The following CLASP1 variants were observed in gnomAD, a reference collection of about 807,000 sequenced individuals.
The protein encoded by CLASP1 is cytoplasmic linker associated protein 1, also known as CLIP-associating protein 1.
CLASP1 carries 38 observed loss-of-function variants against 192.3 expected under a neutral mutation model. That is an observed-to-expected ratio of 0.20 (90% CI 0.15 to 0.26). The LOEUF is 0.26. Among genes scored for constraint, CLASP1 ranks in the 10% least tolerant of loss-of-function variants. The pLI is 1.00. For missense variants in CLASP1, 1,433 were observed against 1,932.5 expected (o/e 0.74, Z 4.85); for synonymous variants, 691 against 712.8 (o/e 0.97, Z 0.49).
intron 4 of CLASP1, 35 bp from the exon 5 acceptor site, chr2:121,527,925 A>C (rs1299637351): frequency 1.3e-6 from 2 of 1,542,086 alleles, no homozygotes; most frequent in Non-Finnish European, 1.8e-6. Flanking sequence ...GGAAAGGAGA[A>C]GACTGCTGCA....
At chr2:121,494,745 C>T (rs745403800) in intron 8 of CLASP1, among the ~76,000 whole-genome samples, 12 of 152,112 alleles carry the variant, frequency 7.9e-5, no homozygotes, top group Admixed American at 3.3e-4. Flanking sequence ...ATTGGGCCAA[C>T]CACGTTGGCT....
chr2:121,637,427 C>A (rs2071096229), intron 1 of CLASP1, among the ~76,000 whole-genome samples: 1 of 152,048 alleles, frequency 6.6e-6, no homozygotes, highest in South Asian at 2.1e-4. Flanking sequence ...AGAAGTCAGA[C>A]CCCTACCTCA....
chr2:121,471,766 T>C (rs893778394), intron 8 of CLASP1, among the ~76,000 whole-genome samples: 2 of 152,236 alleles, frequency 1.3e-5, no homozygotes, highest in African/African-American at 2.4e-5. Flanking sequence ...GATTGTCTTG[T>C]TATGCCATTC....
rs756950671 is a variant in CLASP1, at chr2:121,398,298, T to C, written c.2979+24A>G. On this transcript the variant is annotated intron_variant, in intron 29 of 39. Coordinates refer to ENST00000263710, the Ensembl canonical transcript of CLASP1. ...AACAAATGTGAGTTCCAGGGTTGAA[T>C]TGTAATGACAAATAATTACTGACCT... 2.4e-5 allele frequency: 37 copies of C among 1,540,476 alleles called. 1 individual carries two copies. Among genetic ancestry groups the C allele is most frequent in the East Asian group, 2.1e-4 (9 of 43,716 alleles).
chr2:121,455,234 ATTC>A, intron 14 of CLASP1, among the ~76,000 whole-genome samples: 1 of 152,308 alleles, frequency 6.6e-6, no homozygotes, highest in Admixed American at 6.5e-5. Context: ...TAGCTGGATT[ATTC>A]TTCTTTTCTC....
At chr2:121,507,545 G>C (rs773071970) in intron 7 of CLASP1, among the ~76,000 whole-genome samples, 3 of 152,192 alleles carry the variant, frequency 2.0e-5, no homozygotes, top group Non-Finnish European at 4.4e-5. Flanking sequence ...TTTTGGGTCA[G>C]ATACTTTGCC....
intron 2 of CLASP1, among the ~76,000 whole-genome samples, chr2:121,548,059 C>G (rs1392257261): frequency 6.6e-6 from 1 of 152,166 alleles, no homozygotes; most frequent in Non-Finnish European, 1.5e-5. Flanking sequence ...GAGTTCTTAA[C>G]CAGGCTGAGC....
intron 1 of CLASP1, among the ~76,000 whole-genome samples, chr2:121,606,619 C>T (rs1328481309): frequency 1.3e-5 from 2 of 152,198 alleles, no homozygotes; most frequent in East Asian, 3.8e-4. Context: ...ATGAGGAAGG[C>T]TCTATAGAAA....
intron 19 of CLASP1, among the ~76,000 whole-genome samples, chr2:121,431,132 T>A (rs2081324554): frequency 6.6e-6 from 1 of 152,042 alleles, no homozygotes; most frequent in African/African-American, 2.4e-5. Context: ...CGACAAAGCT[T>A]ACAGAGAAGT....
chr2:121,463,753 T>C (rs2088684529), intron 9 of CLASP1, among the ~76,000 whole-genome samples: 2 of 151,712 alleles, frequency 1.3e-5, no homozygotes, highest in South Asian at 2.1e-4. Context: ...ACTGGGCTGA[T>C]ATGTGCATAA....
intron 28 of CLASP1, among the ~76,000 whole-genome samples, chr2:121,399,248 G>A (rs1439482482): frequency 6.6e-6 from 1 of 152,058 alleles, no homozygotes; most frequent in Non-Finnish European, 1.5e-5. Context: ...AAAAGCACAT[G>A]GCACATATCA....
At chr2:121,339,882 T>G (rs563215471) in exon 40 of CLASP1, 4 of 152,340 alleles carry the variant, frequency 2.6e-5, no homozygotes, top group African/African-American at 7.2e-5. Context: ...ATTTACCAGA[T>G]TAACTGAGAC....
chr2:121,479,041 ACACACACCCCCC>A, intron 8 of CLASP1, among the ~76,000 whole-genome samples: 2 of 60,686 alleles, frequency 3.3e-5, no homozygotes, highest in African/African-American at 1.5e-4. Context: ...CCCCACACAC[ACACACACCCCCC>A]CCCCACACAC....
At chr2:121,430,133 C>T (rs777068924) in exon 20 of CLASP1, 7 of 1,578,086 alleles carry the variant, frequency 4.4e-6, no homozygotes, top group African/African-American at 4.0e-5. Context: ...GTAGAGGCGA[C>T]GTTGGTGGCA....
intron 39 of CLASP1, among the ~76,000 whole-genome samples, chr2:121,342,631 A>C (rs2062921312): frequency 6.6e-6 from 1 of 152,180 alleles, no homozygotes. Context: ...GCAGAGATAA[A>C]CAAAATAGAG....
chr2:121,587,695 C>T (rs922009963), intron 2 of CLASP1, among the ~76,000 whole-genome samples: 1 of 151,138 alleles, frequency 6.6e-6, no homozygotes, highest in Non-Finnish European at 1.5e-5. Context: ...GATGGGTGTA[C>T]TGGCACACGC....
At chr2:121,384,033 T>TATATATGTATATATACACAC (rs1230309066) in intron 32 of CLASP1, among the ~76,000 whole-genome samples, 6 of 125,546 alleles carry the variant, frequency 4.8e-5, no homozygotes, top group Admixed American at 1.6e-4. Context: ...CACACACACA[T>TATATATGTATATATACACAC]ATATATGTAT....
chr2:121,368,205 C>A (rs1325914266), intron 34 of CLASP1, among the ~76,000 whole-genome samples: 13 of 152,126 alleles, frequency 8.5e-5, no homozygotes, highest in Non-Finnish European at 1.8e-4. Flanking sequence ...CTCACTGCGG[C>A]CCTGGCCCAC....
At chr2:121,554,666 T>C (rs183074343) in intron 2 of CLASP1, among the ~76,000 whole-genome samples, 6 of 152,050 alleles carry the variant, frequency 3.9e-5, no homozygotes, top group Admixed American at 1.3e-4. Context: ...TTCCCATTTA[T>C]AGGAAATGTC....
Sources: gnomAD v4.1 joint callset for allele counts (sites outside exome capture counted in the v4.1 genomes callset) on GRCh38, gnomAD v4.1.1 for gene constraint, MANE v1.5 for transcripts, NCBI Gene and HGNC (gene_info 2026-07-23, HGNC 2026-07-21) for gene names.